CELF2: variants seen among roughly 807,000 people sequenced by gnomAD.
CELF2 encodes the protein CUGBP Elav-like family member 2, also known as CUG triplet repeat RNA-binding protein 2.
A neutral mutation model predicts 62.6 loss-of-function variants in CELF2; 8 were observed. The ratio of observed to expected loss-of-function variants is 0.13; its 90% CI spans 0.07 to 0.23. The LOEUF (loss-of-function observed/expected upper bound fraction) is 0.23. CELF2 is among the 10% of genes least tolerant of loss of function. The pLI is 1.00. For missense variants in CELF2, 333 were observed against 671.0 expected, an observed-to-expected ratio of 0.50 and a Z score of 5.56; for synonymous variants, 258 against 250.0, an observed-to-expected ratio of 1.03 and a Z score of -0.30.
the CELF2 span, chr10:10,786,512 T>C: frequency 6.6e-6 from 1 of 152,106 alleles, no homozygotes; most frequent in African/African-American, 2.4e-5. Context: ...AAGGGTTAAT[T>C]CTTTTAAAAG....
At chr10:11,086,037 T>G (rs1412944308) in intron 1 of CELF2, among the ~76,000 whole-genome samples, 1 of 152,210 alleles carries the variant, frequency 6.6e-6, no homozygotes, top group Non-Finnish European at 1.5e-5. Context: ...TTCATAAATG[T>G]TAGCTATTGT....
At chr10:10,694,174 C>A in the CELF2 span, among the ~76,000 whole-genome samples, 1 of 151,892 alleles carries the variant, frequency 6.6e-6, no homozygotes, top group Non-Finnish European at 1.5e-5. Flanking sequence ...CCTCTACACA[C>A]TGCTTTCAAT....
chr10:10,827,025 G>A (rs10159529), intron 1 of CELF2, among the ~76,000 whole-genome samples: 1,992 of 152,286 alleles, frequency 0.013, 61 homozygotes, highest in African/African-American at 0.046. Flanking sequence ...GAATGCTCTA[G>A]ATAGGATAGA....
chr10:10,523,162 C>T, the CELF2 span, among the ~76,000 whole-genome samples: 1 of 152,298 alleles, frequency 6.6e-6, no homozygotes, highest in Admixed American at 6.5e-5. Flanking sequence ...GATCAACCTA[C>T]CAGATTCTTA....
intron 1 of CELF2, among the ~76,000 whole-genome samples, chr10:11,158,373 C>A (rs1023331639): frequency 6.6e-6 from 1 of 152,094 alleles, no homozygotes; most frequent in Non-Finnish European, 1.5e-5. Flanking sequence ...AATGGGAAGC[C>A]CTCAATAAAT....
At chr10:11,048,554 A>G (rs996434779) in intron 1 of CELF2, among the ~76,000 whole-genome samples, 13 of 152,322 alleles carry the variant, frequency 8.5e-5, no homozygotes, top group African/African-American at 2.4e-4. Flanking sequence ...CCGTGTAAGG[A>G]ATATATTGAC....
At chr10:10,715,954 T>C in the CELF2 span, among the ~76,000 whole-genome samples, 1 of 152,230 alleles carries the variant, frequency 6.6e-6, no homozygotes, top group Admixed American at 6.5e-5. Flanking sequence ...TCTTTTGACA[T>C]CACCTGAGTT....
rs184157895 is a variant in CELF2, at chr10:11,186,264, G to T, written c.271+20582G>T. ...TGTCTTAAAGTTCCCAGGTTTATTT[G>T]TCTACTAAAGAACTAGCCTTTGGTT... On this transcript the variant is annotated intron_variant, in intron 2 of 12. Coordinates refer to ENST00000633077, the MANE Select transcript of CELF2 (RefSeq NM_001326342.2). Among the ~76,000 whole-genome samples the T allele has an allele frequency of 4.1e-4, 55 of 134,992 alleles. No individual in the cohort carries two copies. The East Asian group carries it at 0.011, about 27-fold the overall frequency. The allele number at this position is 134,992 out of a possible 152,430, so 88.6% of individuals were successfully genotyped here.
chr10:10,829,994 A>T, intron 1 of CELF2, among the ~76,000 whole-genome samples: 1 of 136,252 alleles, frequency 7.3e-6, no homozygotes, highest in African/African-American at 2.7e-5. Context: ...CTCTTCCCCC[A>T]CCAACCCCAC....
intron 2 of CELF2, among the ~76,000 whole-genome samples, chr10:11,189,927 C>T (rs2075910761): frequency 6.6e-6 from 1 of 152,178 alleles, no homozygotes; most frequent in Non-Finnish European, 1.5e-5. Flanking sequence ...CCTTCATTAC[C>T]TTCATTTCCA....
At chr10:10,605,426 T>C in the CELF2 span, among the ~76,000 whole-genome samples, 1 of 152,320 alleles carries the variant, frequency 6.6e-6, no homozygotes, top group Non-Finnish European at 1.5e-5. Context: ...CCCTGAAACT[T>C]AAAAATGTGA....
chr10:10,927,499 C>T (rs2065643118), intron 2 of CELF2, among the ~76,000 whole-genome samples: 1 of 152,044 alleles, frequency 6.6e-6, no homozygotes, highest in Non-Finnish European at 1.5e-5. Flanking sequence ...ATGATCATAG[C>T]ACACTGCAGC....
intron 1 of CELF2, among the ~76,000 whole-genome samples, chr10:11,162,017 C>T (rs2065837033): frequency 6.6e-6 from 1 of 152,098 alleles, no homozygotes; most frequent in African/African-American, 2.4e-5. Flanking sequence ...AGTTGGGAGT[C>T]CAGAGCAGGA....
intron 9 of CELF2, among the ~76,000 whole-genome samples, chr10:11,295,943 A>G (rs985595778): frequency 6.6e-6 from 1 of 152,150 alleles, no homozygotes; most frequent in African/African-American, 2.4e-5. Flanking sequence ...CAGTTGGTGC[A>G]ATGCCCCAAC....
At chr10:10,946,523 C>T (rs1054217596) in intron 2 of CELF2, 5 of 152,480 alleles carry the variant, frequency 3.3e-5, no homozygotes, top group African/African-American at 1.2e-4. Flanking sequence ...CCTTTTCTTT[C>T]CCTGCAAATA....
chr10:10,496,697 T>C, the CELF2 span, among the ~76,000 whole-genome samples: 1 of 152,264 alleles, frequency 6.6e-6, no homozygotes, highest in East Asian at 1.9e-4. Context: ...TGATAAACTG[T>C]ATTGAAATTG....
chr10:10,599,987 T>C, the CELF2 span, among the ~76,000 whole-genome samples: 75 of 152,258 alleles, frequency 4.9e-4, no homozygotes, highest in Admixed American at 1.1e-3. Flanking sequence ...CACCTCAGCC[T>C]CCCAAAGTGC....
Position 11,214,540 on chromosome 10 carries a change from G to A in CELF2, c.272-2885G>A, listed in dbSNP as rs1021935895. On this transcript the variant is annotated intron_variant, in intron 2 of 12. Transcript: ENST00000633077. The surrounding 1 kb of genome is among the most constrained non-coding windows in gnomAD (Gnocchi z 4.2). The stretch of plus-strand genomic sequence containing the variant: ...ATCAAGCCATGGACTGTGGCAAGGA[G>A]CTACGCCCACCTGGAGATGGGATCC... 3.9e-5 allele frequency among the ~76,000 whole-genome samples: 6 copies of A among 152,336 alleles called. No homozygotes were observed. The South Asian group carries it at 8.3e-4, about 21-fold the overall frequency.
the CELF2 span, among the ~76,000 whole-genome samples, chr10:10,692,616 C>T: frequency 6.3e-5 from 7 of 110,856 alleles, no homozygotes; most frequent in African/African-American, 7.5e-5. Flanking sequence ...GCCATTTTCA[C>T]GATATTGATT....
Sources: allele counts gnomAD v4.1 joint callset (sites outside exome capture counted in the v4.1 genomes callset), GRCh38; gene constraint gnomAD v4.1.1; non-coding constraint Gnocchi (gnomAD v3.1); transcripts MANE v1.5; gene names NCBI Gene and HGNC (gene_info 2026-07-23, HGNC 2026-07-21).